Variants in NR2C2 observed in about 807,000 individuals in gnomAD.
NR2C2 encodes the protein nuclear receptor subfamily 2 group C member 2, also known as Nuclear hormone receptor TR4.
Under a neutral mutation model 62.9 loss-of-function variants are expected in NR2C2, and 6 were observed. The ratio of observed to expected loss-of-function variants is 0.10; its 90% CI spans 0.05 to 0.19. The LOEUF (loss-of-function observed/expected upper bound fraction) is 0.19. Among genes scored for constraint, NR2C2 ranks in the 10% least tolerant of loss-of-function variants. The pLI, the probability that NR2C2 is intolerant of heterozygous loss-of-function variation, is 1.00. For synonymous variants in NR2C2, 272 were observed against 273.8 expected, an observed-to-expected ratio of 0.99 and a Z score of 0.07; for missense variants, 479 against 762.7, an observed-to-expected ratio of 0.63 and a Z score of 4.38.
chr3:15,028,577 G>GT lies in NR2C2; in HGVS notation c.799-6dup. 1 of 1,606,348 alleles carries GT rather than the reference G, an allele frequency of 6.2e-7. No homozygotes were observed. Among genetic ancestry groups the GT allele is most frequent in the East Asian group, 2.2e-5 (1 of 44,712 alleles). On this transcript the variant is annotated splice_polypyrimidine_tract_variant and intron_variant, in intron 7 of 13. Transcript: ENST00000425241. Reference sequence around the variant, plus strand: ...TTCATTTTTAATGTCAGTATTTTTTGTTTAATAGGCTGAAACAAGCCAGGG... The same window carrying GT: ...TTCATTTTTAATGTCAGTATTTTTTGTTTTAATAGGCTGAAACAAGCCAGGG...
intron 7 of NR2C2, chr3:15,026,992 G>A: frequency 6.6e-6 from 1 of 152,546 alleles, no homozygotes; most frequent in Non-Finnish European, 1.5e-5. Context: ...TCAGCCTCCT[G>A]AGTAGCTGGG....
chr3:14,951,702 G>T (rs552596913), intron 1 of NR2C2, among the ~76,000 whole-genome samples: 1 of 151,860 alleles, frequency 6.6e-6, no homozygotes, highest in African/African-American at 2.4e-5. Context: ...GAAAATCCCT[G>T]TGCGTAACAA....
intron 1 of NR2C2, among the ~76,000 whole-genome samples, chr3:14,950,336 ACT>A (rs1161185378): frequency 6.6e-6 from 1 of 152,114 alleles, no homozygotes; most frequent in African/African-American, 2.4e-5. Context: ...GATTTACAGA[ACT>A]CTCTTACAGG....
chr3:15,004,140 T>C (rs1319999077), intron 2 of NR2C2, among the ~76,000 whole-genome samples, 154 bp downstream of exon 2: 1 of 152,216 alleles, frequency 6.6e-6, no homozygotes, highest in Non-Finnish European at 1.5e-5. Context: ...GAAAAAATGC[T>C]TACATTTATT....
intron 2 of NR2C2, among the ~76,000 whole-genome samples, chr3:15,006,732 G>C (rs2041182867): frequency 6.6e-6 from 1 of 151,766 alleles, no homozygotes; most frequent in African/African-American, 2.4e-5. Context: ...TCTTTGCTGG[G>C]AACACTAAAC....
At chr3:14,981,018 T>TA (rs747066597) in intron 1 of NR2C2, among the ~76,000 whole-genome samples, 3 of 152,228 alleles carry the variant, frequency 2.0e-5, no homozygotes, top group Non-Finnish European at 4.4e-5. Flanking sequence ...TTTCTACTGT[T>TA]ACACTGGCAT....
rs140917064 is a variant in NR2C2 at position 15,018,388 on chromosome 3, C to T, written c.376+2134C>T. Among the ~76,000 whole-genome samples the T allele has an allele frequency of 1.1e-3, 174 of 152,172 alleles. 1 individual carries two copies. Among genetic ancestry groups the T allele is most frequent in the African/African-American group, 3.8e-3 (159 of 41,516 alleles). On this transcript the variant is annotated intron_variant, in intron 4 of 13. Coordinates refer to ENST00000425241, the MANE Select transcript of NR2C2 (RefSeq NM_001291694.2). ...AAGGGTTACTACCCAGAACATATAGCGAACTTAAACAACTCGACAGCAAAA... is the reference window on the plus strand; with the variant it reads ...AAGGGTTACTACCCAGAACATATAGTGAACTTAAACAACTCGACAGCAAAA...
intron 1 of NR2C2, 75 bp from the exon 2 acceptor site, chr3:15,003,801 A>T: frequency 1.1e-6 from 1 of 881,554 alleles, no homozygotes; most frequent in Non-Finnish European, 1.9e-6. Context: ...AGTGAAAGCA[A>T]GAGGCGTGGT....
intron 2 of NR2C2, among the ~76,000 whole-genome samples, chr3:15,005,285 C>G (rs1308009161): frequency 6.7e-6 from 1 of 149,896 alleles, no homozygotes; most frequent in African/African-American, 2.5e-5. Context: ...CTCAGAGGCT[C>G]AAGCCATCCT....
chr3:15,015,877 C>T (rs1185315426), intron 3 of NR2C2, among the ~76,000 whole-genome samples: 9 of 152,206 alleles, frequency 5.9e-5, no homozygotes, highest in Non-Finnish European at 2.9e-5. Flanking sequence ...TCTCGGCTCA[C>T]TACAACCTCT....
chr3:15,012,329 G>A (rs1044823355), intron 2 of NR2C2, among the ~76,000 whole-genome samples: 9 of 152,016 alleles, frequency 5.9e-5, no homozygotes, highest in African/African-American at 9.6e-5. Flanking sequence ...GAGTTCAAGC[G>A]ATTCTCGTGT....
At chr3:14,996,139 C>T (rs546913260) in intron 1 of NR2C2, among the ~76,000 whole-genome samples, 12 of 152,164 alleles carry the variant, frequency 7.9e-5, no homozygotes, top group South Asian at 6.2e-4. Context: ...ACTTTCTTAC[C>T]GTCTTGAAGC....
chr3:15,038,579 A>G (rs1311287345), intron 12 of NR2C2: 1 of 165,646 alleles, frequency 6.0e-6, no homozygotes, highest in African/African-American at 2.4e-5. Context: ...TGTTCGCAGG[A>G]GATGAAGAGG....
intron 8 of NR2C2, 117 bp downstream of exon 8, chr3:15,028,836 G>A: frequency 8.9e-7 from 1 of 1,125,134 alleles, no homozygotes; most frequent in South Asian, 1.6e-5. Flanking sequence ...TGATAAAATT[G>A]TTACAATGAC....
In NR2C2 at chr3:15,048,731, T is replaced by C. The variant is rs568306398; in HGVS notation, c.*5723T>C. The C allele has an allele frequency of 1.3e-5, 2 of 152,790 alleles. No individual in the cohort carries two copies. The highest frequency in any genetic ancestry group is 6.5e-5 in the Admixed American group (1 of 15,308). The allele number at this position is 152,790 out of a possible 1,614,324, so 9.5% of individuals were successfully genotyped here. ...TCTACAGTCTCTCTGTTCTACGGAT[T>C]ATCTTGTAAACCAGTGTTCAACTAG... On this transcript the variant is annotated 3_prime_UTR_variant, in exon 14 of 14. Transcript: ENST00000425241.
chr3:14,995,668 C>CGTGTGTGTGTGT (rs58878848), intron 1 of NR2C2, among the ~76,000 whole-genome samples: 3,452 of 148,590 alleles, frequency 0.023, 119 homozygotes, highest in African/African-American at 0.069. Flanking sequence ...GTTTTCATTA[C>CGTGTGTGTGTGT]GTGTGTGTGT....
At chr3:14,983,727 T>C (rs1363281920) in intron 1 of NR2C2, among the ~76,000 whole-genome samples, 2 of 152,196 alleles carry the variant, frequency 1.3e-5, no homozygotes, top group African/African-American at 4.8e-5. Context: ...TAACTACTGA[T>C]AGAATTTCTT....
chr3:14,952,309 GGCACTGA>G (rs2039389933), intron 1 of NR2C2, among the ~76,000 whole-genome samples: 1 of 152,080 alleles, frequency 6.6e-6, no homozygotes, highest in Admixed American at 6.5e-5. Context: ...CTTCAGCCGT[GGCACTGA>G]GCCACTGGTC....
chr3:14,994,259 A>G (rs1464284299), intron 1 of NR2C2, among the ~76,000 whole-genome samples: 4 of 152,054 alleles, frequency 2.6e-5, no homozygotes, highest in Non-Finnish European at 5.9e-5. Context: ...ATGAATTATC[A>G]CAGAGAAAAC....
Sources: allele counts gnomAD v4.1 joint callset (sites outside exome capture counted in the v4.1 genomes callset), GRCh38; gene constraint gnomAD v4.1.1; transcripts MANE v1.5; gene names NCBI Gene and HGNC (gene_info 2026-07-23, HGNC 2026-07-21).